HERC3: variants seen among roughly 807,000 people sequenced by gnomAD.
HERC3 encodes the protein probable E3 ubiquitin-protein ligase HERC3.
HERC3 carries 58 observed loss-of-function variants against 129.9 expected under a neutral mutation model. That is an observed-to-expected ratio of 0.45 (90% CI 0.36 to 0.56). HERC3 has a LOEUF of 0.56. Among genes scored for constraint, HERC3 ranks in the 20% least tolerant of loss-of-function variants. The pLI, the probability that HERC3 is intolerant of heterozygous loss-of-function variation, is 0.00. For missense variants in HERC3, 835 were observed against 1,244.2 expected, an observed-to-expected ratio of 0.67 and a Z score of 4.95; for synonymous variants, 430 against 451.0, an observed-to-expected ratio of 0.95 and a Z score of 0.59.
At chr4:88,665,570 C>T (rs1021595058) in intron 12 of HERC3, among the ~76,000 whole-genome samples, 1 of 152,198 alleles carries the variant, frequency 6.6e-6, no homozygotes, top group East Asian at 1.9e-4. Flanking sequence ...TACTTAGTCA[C>T]TAATTCAAAT....
At chr4:88,684,948 C>T (rs897225557) in intron 21 of HERC3, 2 of 151,998 alleles carry the variant, frequency 1.3e-5, no homozygotes, top group African/African-American at 2.4e-5. Context: ...GCTGCTGAAG[C>T]GAGCACAAAA....
chr4:88,652,742 C>T (rs1469273586), intron 5 of HERC3, 127 bp from the exon 6 acceptor site: 1 of 938,534 alleles, frequency 1.1e-6, no homozygotes, highest in Non-Finnish European at 1.6e-6. Flanking sequence ...TGAAGTATCT[C>T]TGTTCCTTTG....
rs1216503920 is a variant in HERC3 at position 88,697,730 on chromosome 4, G to T, written c.2658-6368G>T. 3 of 1,610,406 alleles carry T rather than the reference G, an allele frequency of 1.9e-6. No individual in the cohort carries two copies. The highest frequency in any genetic ancestry group is 1.8e-4 in the Middle Eastern group (1 of 5,696). The stretch of plus-strand genomic sequence containing the variant: ...GCCGCCGCCTGGCTAGGCTCCGCAG[G>T]CCCCTGGTTTTCCGAGTCGGCCATG... On this transcript the variant is annotated intron_variant, in intron 23 of 25. Transcript: ENST00000402738.
intron 2 of HERC3, among the ~76,000 whole-genome samples, chr4:88,601,612 G>A (rs988359554): frequency 2.0e-5 from 3 of 152,138 alleles, no homozygotes; most frequent in African/African-American, 7.2e-5. Flanking sequence ...CTTTTCATTA[G>A]GATGAAATGA....
intron 3 of HERC3, among the ~76,000 whole-genome samples, chr4:88,607,893 G>T (rs545906725): frequency 6.6e-6 from 1 of 152,108 alleles, no homozygotes; most frequent in Non-Finnish European, 1.5e-5. Flanking sequence ...TTAAGGTAGG[G>T]TCTTAAATTG....
intron 12 of HERC3, among the ~76,000 whole-genome samples, chr4:88,666,846 A>C (rs1254396411): frequency 6.6e-6 from 1 of 152,222 alleles, no homozygotes; most frequent in African/African-American, 2.4e-5. Flanking sequence ...GATGAGAGAC[A>C]TTAACTTTGC....
the HERC3 span, among the ~76,000 whole-genome samples, chr4:88,562,094 T>A: frequency 6.6e-6 from 1 of 152,194 alleles, no homozygotes; most frequent in Non-Finnish European, 1.5e-5. Context: ...GTGGCTGTAC[T>A]CATTTACCTT....
chr4:88,608,287 A>G (rs1723894953), intron 3 of HERC3, among the ~76,000 whole-genome samples: 1 of 152,170 alleles, frequency 6.6e-6, no homozygotes, highest in Admixed American at 6.5e-5. Context: ...ATTCTTTGCC[A>G]CCAGGTTCCT....
At chr4:88,669,792 G>T in intron 14 of HERC3, 68 bp from the exon 15 acceptor site, 2 of 1,339,976 alleles carry the variant, frequency 1.5e-6, no homozygotes, top group South Asian at 1.3e-5. Flanking sequence ...TTTTTAACTG[G>T]CAGGCAGAAG....
chr4:88,640,700 C>T (rs527944003), intron 3 of HERC3, among the ~76,000 whole-genome samples: 6 of 152,032 alleles, frequency 3.9e-5, no homozygotes, highest in East Asian at 1.9e-4. Flanking sequence ...CAAACCTGCA[C>T]GTTCTGCACA....
intron 3 of HERC3, among the ~76,000 whole-genome samples, chr4:88,623,911 A>T (rs1204035807): frequency 6.6e-6 from 1 of 152,178 alleles, no homozygotes; most frequent in Non-Finnish European, 1.5e-5. Flanking sequence ...TAGCATTTCC[A>T]TCACCCCCAA....
At chr4:88,632,992 A>G (rs563415514) in intron 3 of HERC3, among the ~76,000 whole-genome samples, 11 of 152,222 alleles carry the variant, frequency 7.2e-5, no homozygotes, top group Non-Finnish European at 1.0e-4. Context: ...AAGCCCAGAG[A>G]AAAACAACAC....
chr4:88,545,451 T>TTTTTG, the HERC3 span, among the ~76,000 whole-genome samples: 1 of 141,218 alleles, frequency 7.1e-6, no homozygotes. Context: ...TTTTTTTTTT[T>TTTTTG]AGATAGGGTC....
intron 21 of HERC3, among the ~76,000 whole-genome samples, chr4:88,682,418 C>A (rs534730095): frequency 6.6e-6 from 1 of 151,954 alleles, no homozygotes; most frequent in African/African-American, 2.4e-5. Context: ...GTGTGCTGCA[C>A]CCATTAACTC....
At chr4:88,606,697 C>T (rs1448351533) in intron 3 of HERC3, among the ~76,000 whole-genome samples, 1 of 152,068 alleles carries the variant, frequency 6.6e-6, no homozygotes, top group African/African-American at 2.4e-5. Context: ...CAGGGAGACT[C>T]CCATTTTTAA....
At chr4:88,564,062 C>T in the HERC3 span, among the ~76,000 whole-genome samples, 1 of 152,080 alleles carries the variant, frequency 6.6e-6, no homozygotes, top group South Asian at 2.1e-4. Flanking sequence ...GGTTTTTGTC[C>T]TTGATTCTGT....
chr4:88,552,010 C>G, the HERC3 span, among the ~76,000 whole-genome samples: 1 of 151,880 alleles, frequency 6.6e-6, no homozygotes, highest in Admixed American at 6.6e-5. Context: ...TGGAAATCAT[C>G]ATTCTCAGTA....
At chr4:88,632,272 A>T (rs1236750820) in intron 3 of HERC3, among the ~76,000 whole-genome samples, 2 of 152,224 alleles carry the variant, frequency 1.3e-5, no homozygotes, top group Admixed American at 6.5e-5. Context: ...TCTGTGGTGT[A>T]CGCAGGGCAC....
intron 14 of HERC3, among the ~76,000 whole-genome samples, chr4:88,668,827 C>T (rs1249655308): frequency 6.6e-6 from 1 of 152,098 alleles, no homozygotes; most frequent in African/African-American, 2.4e-5. Context: ...GGAATACTGG[C>T]TTTTCTATAT....
Sources: allele counts gnomAD v4.1 joint callset (sites outside exome capture counted in the v4.1 genomes callset), GRCh38; gene constraint gnomAD v4.1.1; transcripts MANE v1.5; gene names NCBI Gene and HGNC (gene_info 2026-07-23, HGNC 2026-07-21).